The following GALNTL6 variants were observed in gnomAD, a reference collection of about 807,000 sequenced individuals.
GALNTL6 encodes polypeptide N-acetylgalactosaminyltransferase like 6.
GALNTL6 carries 46 observed loss-of-function variants against 73.7 expected under a neutral mutation model. The ratio of observed to expected loss-of-function variants is 0.62; its 90% CI spans 0.49 to 0.80. The LOEUF (loss-of-function observed/expected upper bound fraction) is 0.80, where lower values mean the gene tolerates loss of function less well. GALNTL6 is among the 30% of genes least tolerant of loss of function. The pLI is 0.00. For synonymous variants in GALNTL6, 259 were observed against 263.7 expected, an observed-to-expected ratio of 0.98 and a Z score of 0.17; for missense variants, 604 against 755.0, an observed-to-expected ratio of 0.80 and a Z score of 2.34.
At position 172,917,143 on chromosome 4, in the gene GALNTL6, G is replaced by A. The variant is rs544968909; in HGVS notation, c.1042-14018G>A. 6.6e-5 allele frequency among the ~76,000 whole-genome samples: 10 copies of A among 152,232 alleles called. No homozygotes were observed. The East Asian group carries it at 7.7e-4, about 12-fold the overall frequency. On this transcript the variant is annotated intron_variant, in intron 8 of 12. Coordinates refer to ENST00000506823, the MANE Select transcript of GALNTL6 (RefSeq NM_001034845.3). ...GACAAACCTGACAAAAACAAGAAAC[G>A]GGGAAAGGATTCCCTATTTAATAAA... is the stretch of plus-strand genomic sequence containing the variant.
intron 5 of GALNTL6, among the ~76,000 whole-genome samples, chr4:172,533,058 C>A (rs1735220751): frequency 6.9e-6 from 1 of 145,742 alleles, no homozygotes; most frequent in South Asian, 2.2e-4. Flanking sequence ...TGTTGCCAGG[C>A]TTCAATGCAG....
At chr4:171,825,409 C>A (rs1253040973) in intron 2 of GALNTL6, among the ~76,000 whole-genome samples, 1 of 152,038 alleles carries the variant, frequency 6.6e-6, no homozygotes, top group Non-Finnish European at 1.5e-5. Context: ...TGTTCCCTAG[C>A]CGAGTGAATT....
intron 8 of GALNTL6, among the ~76,000 whole-genome samples, chr4:172,930,317 T>C (rs981725590): frequency 1.3e-5 from 2 of 152,108 alleles, no homozygotes; most frequent in African/African-American, 4.8e-5. Flanking sequence ...GATTATTTTC[T>C]GTACCTAAGA....
At chr4:173,026,460 C>T (rs1430197744) in intron 12 of GALNTL6, among the ~76,000 whole-genome samples, 1 of 152,170 alleles carries the variant, frequency 6.6e-6, no homozygotes, top group African/African-American at 2.4e-5. Flanking sequence ...CGGAGAAAGT[C>T]CTTAAGCAGA....
intron 7 of GALNTL6, among the ~76,000 whole-genome samples, chr4:172,834,139 A>C (rs1240148731): frequency 1.3e-5 from 2 of 152,104 alleles, no homozygotes; most frequent in Non-Finnish European, 2.9e-5. Flanking sequence ...AAATAAAAAT[A>C]AACTCCCAAG....
At chr4:172,062,467 C>T (rs1731240683) in intron 2 of GALNTL6, among the ~76,000 whole-genome samples, 1 of 152,126 alleles carries the variant, frequency 6.6e-6, no homozygotes, top group Admixed American at 6.6e-5. Context: ...CCTTACCTTT[C>T]CCCAACCTCA....
intron 2 of GALNTL6, among the ~76,000 whole-genome samples, chr4:171,821,388 A>T (rs495497): frequency 0.69 from 105,371 of 151,776 alleles, 38,839 homozygotes; most frequent in Admixed American, 0.83. Context: ...AATCCAATTG[A>T]ACTTAAGGAG....
At chr4:172,250,939 T>A (rs1265646150) in intron 3 of GALNTL6, among the ~76,000 whole-genome samples, 1 of 152,180 alleles carries the variant, frequency 6.6e-6, no homozygotes, top group Non-Finnish European at 1.5e-5. Flanking sequence ...AGTCAATTTT[T>A]ATTGCCTTCT....
At chr4:172,873,365 T>G (rs1745039825) in intron 7 of GALNTL6, among the ~76,000 whole-genome samples, 1 of 152,148 alleles carries the variant, frequency 6.6e-6, no homozygotes, top group African/African-American at 2.4e-5. Flanking sequence ...AGCTAAAAGA[T>G]CAAATGTTCC....
intron 2 of GALNTL6, among the ~76,000 whole-genome samples, chr4:171,915,207 T>G (rs1398489935): frequency 6.6e-6 from 1 of 152,194 alleles, no homozygotes; most frequent in African/African-American, 2.4e-5. Context: ...TTTATGTAAT[T>G]AATGAGCATT....
chr4:171,852,496 G>A (rs958299233), intron 2 of GALNTL6, among the ~76,000 whole-genome samples: 6 of 148,000 alleles, frequency 4.1e-5, no homozygotes, highest in African/African-American at 7.3e-5. Context: ...AGCATTTATC[G>A]CTGTCTAAAT....
intron 7 of GALNTL6, among the ~76,000 whole-genome samples, chr4:172,816,420 A>G (rs562790891): frequency 7.2e-5 from 11 of 152,196 alleles, no homozygotes; most frequent in Non-Finnish European, 1.6e-4. Context: ...GGGCATTAAC[A>G]GTATTTAATT....
At chr4:172,357,587 G>C (rs550669616) in intron 5 of GALNTL6, among the ~76,000 whole-genome samples, 3 of 150,990 alleles carry the variant, frequency 2.0e-5, no homozygotes, top group Non-Finnish European at 4.4e-5. Flanking sequence ...TCAAAACGTA[G>C]ATTGGGAAGA....
At chr4:172,924,423 C>G (rs1471980461) in intron 8 of GALNTL6, among the ~76,000 whole-genome samples, 1 of 152,206 alleles carries the variant, frequency 6.6e-6, no homozygotes, top group African/African-American at 2.4e-5. Flanking sequence ...GGGACGGATG[C>G]TTGGCACCTA....
At chr4:172,848,940 T>C (rs1245840596) in intron 7 of GALNTL6, among the ~76,000 whole-genome samples, 3 of 151,614 alleles carry the variant, frequency 2.0e-5, no homozygotes, top group African/African-American at 7.3e-5. Context: ...CCACAGAGAG[T>C]AGCTGCCAGT....
At chr4:172,498,893 T>A (rs1734164682) in intron 5 of GALNTL6, among the ~76,000 whole-genome samples, 1 of 152,208 alleles carries the variant, frequency 6.6e-6, no homozygotes, top group Admixed American at 6.5e-5. Flanking sequence ...AAAGTTTTGT[T>A]ATAGTTATGG....
chr4:171,952,954 T>A (rs1310032119), intron 2 of GALNTL6, among the ~76,000 whole-genome samples: 2 of 152,176 alleles, frequency 1.3e-5, no homozygotes, highest in East Asian at 3.8e-4. Flanking sequence ...TAACATCATT[T>A]AGCAAGTTAG....
At chr4:172,568,459 A>G (rs531806773) in intron 5 of GALNTL6, among the ~76,000 whole-genome samples, 1 of 152,272 alleles carries the variant, frequency 6.6e-6, no homozygotes, top group East Asian at 1.9e-4. Context: ...ACTAGTTTTT[A>G]AAAGTAACAA....
chr4:171,823,348 C>T (rs1424029372), intron 2 of GALNTL6, among the ~76,000 whole-genome samples: 2 of 151,916 alleles, frequency 1.3e-5, no homozygotes, highest in Non-Finnish European at 2.9e-5. Context: ...ATTGAGGGGA[C>T]AGTCCCAAGG....
Sources: gnomAD v4.1 joint callset for allele counts (sites outside exome capture counted in the v4.1 genomes callset) on GRCh38, gnomAD v4.1.1 for gene constraint, MANE v1.5 for transcripts, NCBI Gene and HGNC (gene_info 2026-07-23, HGNC 2026-07-21) for gene names.